The following PLXNA4 variants were observed in gnomAD, a reference collection of about 807,000 sequenced individuals.
The protein encoded by PLXNA4 is plexin A4.
In PLXNA4, 44 loss-of-function variants were observed where a neutral mutation model predicts 191.8. The observed-to-expected ratio is 0.23, with a 90% confidence interval of 0.18 to 0.29. The LOEUF (loss-of-function observed/expected upper bound fraction) is 0.29, where lower values mean the gene tolerates loss of function less well. PLXNA4 is among the 10% of genes least tolerant of loss of function. PLXNA4 has a pLI of 1.00. For missense variants in PLXNA4, 1,800 were observed against 2,488.8 expected, an observed-to-expected ratio of 0.72 and a Z score of 5.89; for synonymous variants, 1,082 against 1,009.5, an observed-to-expected ratio of 1.07 and a Z score of -1.36.
At position 132,129,147 on chromosome 7, in the gene PLXNA4, T is replaced by G. The variant is rs1794857767; in HGVS notation, c.*1332A>C. On this transcript the variant is annotated 3_prime_UTR_variant, in exon 32 of 32. Coordinates refer to ENST00000321063, the MANE Select transcript of PLXNA4 (RefSeq NM_020911.2). ...AGCCAGGCCCATCAGCTCGACTCTTTGTCCCTCCCAGATCTGACAAGCTGG... is the reference window on the plus strand; with the variant it reads ...AGCCAGGCCCATCAGCTCGACTCTTGGTCCCTCCCAGATCTGACAAGCTGG... 1 of 152,244 alleles carries G rather than the reference T, an allele frequency of 6.6e-6. No homozygotes were observed. The highest frequency in any genetic ancestry group is 6.5e-5 in the Admixed American group (1 of 15,286). 9.4% of individuals were successfully genotyped at this position (152,244 alleles called of 1,614,324 possible).
intron 3 of PLXNA4, among the ~76,000 whole-genome samples, chr7:132,471,105 C>G (rs1796917126): frequency 6.6e-6 from 1 of 152,104 alleles, no homozygotes; most frequent in South Asian, 2.1e-4. Context: ...AGAGAGTTCT[C>G]TCGAGATTTT....
intron 3 of PLXNA4, among the ~76,000 whole-genome samples, chr7:132,431,384 A>G (rs1479767665): frequency 6.6e-6 from 1 of 151,674 alleles, no homozygotes; most frequent in Non-Finnish European, 1.5e-5. Context: ...GCTGACATAC[A>G]CCCTCCTCGT....
Position 132,211,037 on chromosome 7 carries a change from C to T in PLXNA4, c.2204G>A (p.Arg735His), listed in dbSNP as rs749990321. Residue 735 changes from arginine (R) to histidine (H), a missense_variant, in exon 10 of 32, where the codon CGT becomes CAT. By Grantham distance (29) the Arg-to-His change is conservative. This residue lies in a region of PLXNA4 where 1,397 missense variants were observed against 1,880.4 expected (regional missense o/e 0.74). Transcript: ENST00000321063. ...AATGTTGAGGATGCATTCGTAGCCA[C>T]GCTGCCCAGACTGGGGCTGGGGGAG... The part of the protein sequence containing the change: ...KNLPQPQSGQ[R>H]GYECILNIQG... 7 of 1,613,796 alleles carry T rather than the reference C, an allele frequency of 4.3e-6. No homozygotes were observed. The highest frequency in any genetic ancestry group is 1.1e-5 in the South Asian group (1 of 91,000).
At chr7:132,487,164 C>T (rs1797592426) in intron 3 of PLXNA4, among the ~76,000 whole-genome samples, 4 of 152,174 alleles carry the variant, frequency 2.6e-5, no homozygotes, top group Non-Finnish European at 4.4e-5. Flanking sequence ...ATAACATTCA[C>T]TGCCCAACCA....
chr7:132,588,433 A>G (rs2116822601), intron 2 of PLXNA4, among the ~76,000 whole-genome samples: 1 of 152,070 alleles, frequency 6.6e-6, no homozygotes, highest in East Asian at 1.9e-4. Flanking sequence ...ATTCCCAATT[A>G]TGCTTCCTCC....
intron 1 of PLXNA4, among the ~76,000 whole-genome samples, chr7:132,523,600 A>G (rs1423402539): frequency 2.0e-5 from 3 of 152,238 alleles, no homozygotes; most frequent in African/African-American, 7.2e-5. Context: ...AAAACTTCTA[A>G]GCAAGGGAAT....
At chr7:132,595,733 C>G (rs983508242) in intron 2 of PLXNA4, among the ~76,000 whole-genome samples, 2 of 152,088 alleles carry the variant, frequency 1.3e-5, no homozygotes, top group Admixed American at 6.5e-5. Context: ...TTCTTTCTTC[C>G]CCCAAGTATT....
Position 132,146,986 on chromosome 7 carries a change from A to C in PLXNA4, c.4865-286T>G, listed in dbSNP as rs10281227. 1.7e-3 allele frequency among the ~76,000 whole-genome samples: 265 copies of C among 152,296 alleles called. 2 individuals carry two copies. The highest frequency in any genetic ancestry group is 6.0e-3 in the African/African-American group (251 of 41,558). ...TAATTATTCAATTTGTAAAAATATA[A>C]GCCTGTACTTTTTTAATGCTTTTCC... On this transcript the variant is annotated intron_variant, in intron 27 of 31. Coordinates refer to ENST00000321063, the MANE Select transcript of PLXNA4 (RefSeq NM_020911.2).
chr7:132,272,686 T>G (rs1800122195), intron 4 of PLXNA4, among the ~76,000 whole-genome samples: 2 of 152,210 alleles, frequency 1.3e-5, no homozygotes, highest in African/African-American at 4.8e-5. Context: ...CATCTTAACT[T>G]ATGTCCCAGC....
At chr7:132,204,117 G>A (rs1797533857) in intron 10 of PLXNA4, among the ~76,000 whole-genome samples, 1 of 152,222 alleles carries the variant, frequency 6.6e-6, no homozygotes, top group Admixed American at 6.5e-5. Context: ...CCAGCTCAAA[G>A]CCAGGCTCAC....
intron 13 of PLXNA4, among the ~76,000 whole-genome samples, chr7:132,197,873 C>T (rs1474954250): frequency 6.6e-6 from 1 of 152,174 alleles, no homozygotes; most frequent in Admixed American, 6.5e-5. Context: ...AATATAGATT[C>T]TATGATGCTG....
chr7:132,271,464 T>C (rs966435887), intron 4 of PLXNA4, among the ~76,000 whole-genome samples: 4 of 147,438 alleles, frequency 2.7e-5, no homozygotes, highest in Non-Finnish European at 5.9e-5. Flanking sequence ...TACCTGACAA[T>C]GTCCCCTCCC....
chr7:132,260,504 G>T (rs1799599648), intron 4 of PLXNA4, among the ~76,000 whole-genome samples: 1 of 152,096 alleles, frequency 6.6e-6, no homozygotes, highest in Non-Finnish European at 1.5e-5. Context: ...ACAGACGCCA[G>T]GGAGTACTAG....
intron 3 of PLXNA4, among the ~76,000 whole-genome samples, chr7:132,396,973 G>A (rs1003890177): frequency 6.6e-6 from 1 of 152,226 alleles, no homozygotes; most frequent in East Asian, 1.9e-4. Flanking sequence ...TGGGGCCTAG[G>A]GAAATCCTGC....
chr7:132,483,725 C>T (rs1473472832), intron 3 of PLXNA4, among the ~76,000 whole-genome samples: 2 of 152,164 alleles, frequency 1.3e-5, no homozygotes, highest in Non-Finnish European at 2.9e-5. Context: ...GCACACGTAT[C>T]AATAAATCTT....
At chr7:132,322,868 C>T (rs1254175223) in intron 3 of PLXNA4, among the ~76,000 whole-genome samples, 5 of 152,154 alleles carry the variant, frequency 3.3e-5, no homozygotes, top group African/African-American at 7.2e-5. Context: ...TTCTGGGGTT[C>T]GGCTTCCTGT....
chr7:132,507,569 G>A lies in PLXNA4; in HGVS notation c.1125C>T (p.Tyr375=), dbSNP rs1408750049. ...DRIKERLQSC[Y]RGEGTLDLAW... ...CCAGGTCCAGCGTGCCCTCGCCCCG[G>A]TAACAAGACTGCAGCCGCTCCTTAA... The change falls in exon 2 of 32, where the codon TAC becomes TAT. Residue 375 remains tyrosine, a synonymous_variant. Coordinates refer to ENST00000321063, the MANE Select transcript of PLXNA4 (RefSeq NM_020911.2). 6.2e-7 allele frequency: 1 copy of A among 1,614,072 alleles called. No homozygotes were observed. Among genetic ancestry groups the A allele is most frequent in the Non-Finnish European group, 8.5e-7 (1 of 1,180,032 alleles).
intron 31 of PLXNA4, among the ~76,000 whole-genome samples, chr7:132,131,280 A>G (rs929805116): frequency 2.0e-5 from 3 of 152,158 alleles, no homozygotes; most frequent in African/African-American, 4.8e-5. Context: ...TGAGGGATGG[A>G]GTAAAGGCTC....
intron 4 of PLXNA4, among the ~76,000 whole-genome samples, chr7:132,286,444 C>T (rs932720569): frequency 5.9e-5 from 9 of 152,110 alleles, no homozygotes; most frequent in South Asian, 4.2e-4. Context: ...TAGGAGAAGG[C>T]GCAATAATTG....
Sources: gnomAD v4.1 joint callset for allele counts (sites outside exome capture counted in the v4.1 genomes callset) on GRCh38, gnomAD v4.1.1 for gene constraint, gnomAD v4.1.1 regional missense constraint, MANE v1.5 for transcripts, NCBI Gene and HGNC (gene_info 2026-07-23, HGNC 2026-07-21) for gene names.